CTNNA3: variants seen among roughly 807,000 people sequenced by gnomAD.
CTNNA3 encodes catenin alpha 3, also known as catenin alpha-3.
CTNNA3 carries 76 observed loss-of-function variants against 95.7 expected under a neutral mutation model. The ratio of observed to expected loss-of-function variants is 0.79; its 90% CI spans 0.66 to 0.96. CTNNA3 has a LOEUF of 0.96. Ranked by LOEUF, CTNNA3 falls within the 40% of genes least tolerant of loss-of-function variation. The probability of loss-of-function intolerance (pLI) is 0.00; values close to 1 mark genes in which losing one functional copy is unlikely to be tolerated. For synonymous variants in CTNNA3, 431 were observed against 374.4 expected, an observed-to-expected ratio of 1.15 and a Z score of -1.74; for missense variants, 1,191 against 1,089.8, an observed-to-expected ratio of 1.09 and a Z score of -1.31.
At chr10:66,103,063 G>C in intron 14 of CTNNA3, 94 bp downstream of exon 14, 1 of 951,558 alleles carries the variant, frequency 1.1e-6, no homozygotes, top group African/African-American at 1.6e-5. Context: ...AGATCCAGGA[G>C]TCCCACCCAT....
At chr10:66,889,021 G>A (rs576985353) in intron 7 of CTNNA3, among the ~76,000 whole-genome samples, 1 of 152,224 alleles carries the variant, frequency 6.6e-6, no homozygotes, top group East Asian at 1.9e-4. Context: ...TCCAGACAAT[G>A]GAATATTATT....
At chr10:67,465,071 T>C (rs1349159518) in intron 5 of CTNNA3, among the ~76,000 whole-genome samples, 4 of 147,582 alleles carry the variant, frequency 2.7e-5, no homozygotes, top group Non-Finnish European at 4.4e-5. Flanking sequence ...TCAAGTGCCA[T>C]GGAAGCATTT....
rs1452764675 is a variant in CTNNA3, at chr10:66,360,765, TTCCTTTTC to T, written c.1732+18379_1732+18386del. Among the ~76,000 whole-genome samples, 884 of 108,754 alleles carry T rather than the reference TTCCTTTTC, an allele frequency of 8.1e-3. 51 individuals are homozygous for T. The highest frequency in any genetic ancestry group is 0.029 in the African/African-American group (822 of 27,978). The allele number at this position is 108,754 out of a possible 152,430, so 71.3% of individuals were successfully genotyped here. A position where few individuals can be genotyped will look rare whatever the true frequency, so the allele number is the denominator to read the frequency against. ...CTTTCTTCCTTCCTTCCTTCCTTCC[TTCCTTTTC>T]TTTCTTTCTTTCTTCCTTCCTTCCT... On this transcript the variant is annotated intron_variant, in intron 12 of 17. Transcript: ENST00000433211.
chr10:67,612,417 A>G (rs1320640273), intron 2 of CTNNA3, among the ~76,000 whole-genome samples: 1 of 152,150 alleles, frequency 6.6e-6, no homozygotes, highest in Non-Finnish European at 1.5e-5. Context: ...AGAACAGATA[A>G]TTTTCTACCA....
intron 12 of CTNNA3, among the ~76,000 whole-genome samples, chr10:66,374,377 A>G (rs528896462): frequency 6.6e-6 from 1 of 152,138 alleles, no homozygotes; most frequent in Non-Finnish European, 1.5e-5. Context: ...GTTTAGAATG[A>G]TTATATTTTA....
intron 10 of CTNNA3, among the ~76,000 whole-genome samples, chr10:66,527,425 T>C (rs1409162632): frequency 6.6e-6 from 1 of 152,136 alleles, no homozygotes. Flanking sequence ...TGAGGATGTG[T>C]TTTTTTCTAT....
At chr10:66,197,751 T>C (rs2087057326) in intron 13 of CTNNA3, among the ~76,000 whole-genome samples, 1 of 152,128 alleles carries the variant, frequency 6.6e-6, no homozygotes, top group Admixed American at 6.6e-5. Context: ...ATTATGGAAA[T>C]AAAAGCAAGA....
chr10:67,261,226 T>C (rs1405749536), intron 5 of CTNNA3, among the ~76,000 whole-genome samples: 2 of 152,122 alleles, frequency 1.3e-5, no homozygotes, highest in Non-Finnish European at 2.9e-5. Context: ...GTTAAAATAA[T>C]GAGATTACCA....
rs114488318 is a variant in CTNNA3, at chr10:66,633,148, A to G, written c.1282-11364T>C. 8.5e-3 allele frequency among the ~76,000 whole-genome samples: 1,295 copies of G among 152,316 alleles called. 18 individuals carry two copies. Among genetic ancestry groups the G allele is most frequent in the African/African-American group, 0.03 (1,231 of 41,574 alleles). The stretch of plus-strand genomic sequence containing the variant: ...AATTTAAAATGTTCAGAACTGTAGC[A>G]ATTCAATTTAATGGAATCTGTCATT... On this transcript the variant is annotated intron_variant, in intron 9 of 17. Coordinates refer to ENST00000433211, the MANE Select transcript of CTNNA3 (RefSeq NM_013266.4).
intron 7 of CTNNA3, among the ~76,000 whole-genome samples, chr10:66,998,078 T>C (rs1392302428): frequency 2.6e-5 from 4 of 152,190 alleles, no homozygotes; most frequent in Admixed American, 2.0e-4. Flanking sequence ...TCTACAACAA[T>C]TGTAATTATA....
intron 6 of CTNNA3, among the ~76,000 whole-genome samples, chr10:67,182,909 A>G (rs949385832): frequency 2.8e-4 from 42 of 152,372 alleles, no homozygotes; most frequent in African/African-American, 8.7e-4. Flanking sequence ...AAAAGAAGAC[A>G]TTTATGCAGC....
At chr10:66,880,229 C>A (rs1844794618) in intron 7 of CTNNA3, among the ~76,000 whole-genome samples, 1 of 152,022 alleles carries the variant, frequency 6.6e-6, no homozygotes, top group Non-Finnish European at 1.5e-5. Flanking sequence ...GACACACATT[C>A]CCTAGTTAGC....
chr10:65,939,725 G>T (rs971988523), intron 17 of CTNNA3, among the ~76,000 whole-genome samples: 3 of 151,916 alleles, frequency 2.0e-5, no homozygotes, highest in African/African-American at 7.3e-5. Context: ...TACATTATGC[G>T]CTCAAACTAC....
chr10:66,664,123 A>G (rs1404385585), intron 9 of CTNNA3, among the ~76,000 whole-genome samples: 2 of 152,002 alleles, frequency 1.3e-5, no homozygotes, highest in Non-Finnish European at 2.9e-5. Context: ...TCATATACAA[A>G]AGGTTAATCT....
intron 12 of CTNNA3, among the ~76,000 whole-genome samples, chr10:66,369,387 C>T (rs2092736283): frequency 6.6e-6 from 1 of 152,158 alleles, no homozygotes; most frequent in Non-Finnish European, 1.5e-5. Context: ...GATCGATGTC[C>T]ACTTGTTCTG....
intron 7 of CTNNA3, among the ~76,000 whole-genome samples, chr10:66,862,252 G>A (rs956101124): frequency 1.3e-5 from 2 of 152,068 alleles, no homozygotes; most frequent in Non-Finnish European, 2.9e-5. Flanking sequence ...TGATGTTTTT[G>A]TGACCAGAAA....
chr10:67,477,322 G>T (rs534529202), intron 5 of CTNNA3, among the ~76,000 whole-genome samples: 4 of 151,692 alleles, frequency 2.6e-5, no homozygotes, highest in Non-Finnish European at 4.4e-5. Flanking sequence ...GGCCTACCCC[G>T]TATGGCCCCA....
intron 13 of CTNNA3, among the ~76,000 whole-genome samples, chr10:66,237,690 A>G (rs4745891): frequency 0.81 from 122,770 of 151,946 alleles, 49,931 homozygotes; most frequent in South Asian, 0.94. Context: ...AAATGGCAGC[A>G]AATAAACCAA....
chr10:66,700,037 T>C (rs185727352), intron 9 of CTNNA3, among the ~76,000 whole-genome samples: 1 of 152,086 alleles, frequency 6.6e-6, no homozygotes, highest in Non-Finnish European at 1.5e-5. Context: ...TTCTTATTTA[T>C]TTTAGAGATT....
Sources: allele counts gnomAD v4.1 joint callset (sites outside exome capture counted in the v4.1 genomes callset), GRCh38; gene constraint gnomAD v4.1.1; transcripts MANE v1.5; gene names NCBI Gene and HGNC (gene_info 2026-07-23, HGNC 2026-07-21).